The following UGT1A3 variants were observed in gnomAD, a reference collection of about 807,000 sequenced individuals.
UGT1A3 encodes UDP-glucuronosyltransferase 1A3.
A neutral mutation model predicts 41.0 loss-of-function variants in UGT1A3; 31 were observed. The ratio of observed to expected loss-of-function variants is 0.76; its 90% CI spans 0.57 to 1.02. UGT1A3 has a LOEUF of 1.02. Among genes scored for constraint, UGT1A3 ranks in the 50% least tolerant of loss-of-function variants. The pLI is 0.00. For missense variants in UGT1A3, 737 were observed against 671.0 expected, an observed-to-expected ratio of 1.10 and a Z score of -1.09; for synonymous variants, 262 against 257.6, an observed-to-expected ratio of 1.02 and a Z score of -0.17.
chr2:233,755,078 GA>G (rs1559400130), intron 1 of UGT1A3: 1 of 1,336,544 alleles, frequency 7.5e-7, no homozygotes, highest in South Asian at 1.1e-5. Flanking sequence ...AGCGGTCATA[GA>G]TATCGCGTTT....
intron 1 of UGT1A3, chr2:233,743,663 T>A (rs200311210): frequency 3.0e-5 from 41 of 1,366,854 alleles, no homozygotes; most frequent in Non-Finnish European, 3.9e-5. Context: ...CTCGAAGGGG[T>A]CCTCGAAGGG....
In UGT1A3 at chr2:233,772,637, A is replaced by G; in HGVS notation, c.*78A>G. ...AACTTGAAAACAGAATCAGTGTTAA[A>G]TTCATTTTATTCTTATTAAGGAAAT... On this transcript the variant is annotated 3_prime_UTR_variant, in exon 5 of 5. Transcript: ENST00000482026. The G allele has an allele frequency of 1.5e-5, 23 of 1,552,946 alleles. No individual in the cohort carries two copies. Among genetic ancestry groups the G allele is most frequent in the Non-Finnish European group, 2.0e-5 (23 of 1,148,470 alleles).
chr2:233,762,827 TA>T (rs922323260), intron 1 of UGT1A3, among the ~76,000 whole-genome samples: 2 of 152,162 alleles, frequency 1.3e-5, no homozygotes, highest in African/African-American at 2.4e-5. Flanking sequence ...ATTTTCATAA[TA>T]AAAAATAATA....
rs558770255 is a variant in UGT1A3, at chr2:233,763,535, G to A, written c.868-3499G>A. Among the ~76,000 whole-genome samples the A allele has an allele frequency of 7.2e-5, 11 of 152,022 alleles. No homozygotes were observed. The East Asian group carries it at 9.7e-4, about 13-fold the overall frequency. ...TTGACTTTGCCATTCTCCTTTTTCC[G>A]GATTTCTACTGGTTGGTCAAGTTAC... On this transcript the variant is annotated intron_variant, in intron 1 of 4. Coordinates refer to ENST00000482026, the MANE Select transcript of UGT1A3 (RefSeq NM_019093.4).
At chr2:233,736,291 G>A (rs1279591906) in intron 1 of UGT1A3, among the ~76,000 whole-genome samples, 1 of 151,976 alleles carries the variant, frequency 6.6e-6, no homozygotes, top group Admixed American at 6.6e-5. Flanking sequence ...CTTTCTTCCA[G>A]TTGCTCTAAT....
intron 4 of UGT1A3, 132 bp from the exon 5 acceptor site, chr2:233,772,130 A>G: frequency 2.6e-6 from 4 of 1,542,514 alleles, no homozygotes; most frequent in Non-Finnish European, 2.6e-6. Context: ...AACAACAACA[A>G]CAATAATAGA....
intron 1 of UGT1A3, chr2:233,741,829 T>C (rs1473126770): frequency 6.6e-6 from 1 of 151,946 alleles, no homozygotes; most frequent in African/African-American, 2.4e-5. Context: ...GCCTATCCAG[T>C]TCAGTTGCCT....
At chr2:233,737,798 AC>A (rs2125811044) in intron 1 of UGT1A3, among the ~76,000 whole-genome samples, 1 of 151,388 alleles carries the variant, frequency 6.6e-6, no homozygotes, top group African/African-American at 2.4e-5. Flanking sequence ...TCAAATCTTC[AC>A]TATCATCTCA....
intron 1 of UGT1A3, among the ~76,000 whole-genome samples, chr2:233,739,415 C>A (rs1192478838): frequency 6.6e-6 from 1 of 152,198 alleles, no homozygotes; most frequent in African/African-American, 2.4e-5. Context: ...CCTCTGAAAG[C>A]AGCCAGGACG....
In UGT1A3 at chr2:233,755,218, C is replaced by T. The variant is rs1203897935; in HGVS notation, c.868-11816C>T. 1.4e-5 allele frequency: 14 copies of T among 1,027,208 alleles called. No individual in the cohort carries two copies. In the South Asian group the frequency reaches 1.5e-4, roughly 11 times the overall value. 63.6% of individuals were successfully genotyped at this position (1,027,208 alleles called of 1,614,324 possible). ...AGCTTGCGGTACGCCTTCTTGATACCCTCGGACGAGGCCTACCGGGGTACT... is the reference window on the plus strand; with the variant it reads ...AGCTTGCGGTACGCCTTCTTGATACTCTCGGACGAGGCCTACCGGGGTACT... On this transcript the variant is annotated intron_variant, in intron 1 of 4. Transcript: ENST00000482026.
chr2:233,729,862 G>T lies in UGT1A3; in HGVS notation c.736G>T (p.Val246Leu), dbSNP rs146461519. Residue 246 changes from valine to leucine, a missense_variant, in exon 1 of 5, where the codon GTG (valine) becomes TTG (leucine). Transcript: ENST00000482026. Reference sequence around the variant, plus strand: ...GCTTTTTCAGAGAGAGGTGTCAGTGGTGGATATTCTCAGTCATGCATCTGT... The same window carrying T: ...GCTTTTTCAGAGAGAGGTGTCAGTGTTGGATATTCTCAGTCATGCATCTGT... The part of the protein sequence containing the change: ...SELFQREVSV[V>L]DILSHASVWL... 816 of 1,613,860 alleles carry T rather than the reference G, an allele frequency of 5.1e-4. 3 individuals are homozygous for T. In the Middle Eastern group the frequency reaches 7.4e-3, roughly 15 times the overall value.
chr2:233,750,239 C>T (rs1187783492), intron 1 of UGT1A3, among the ~76,000 whole-genome samples: 2 of 151,854 alleles, frequency 1.3e-5, no homozygotes, highest in African/African-American at 2.4e-5. Context: ...TTATTGGGAA[C>T]TGGAACAAAG....
chr2:233,734,166 G>A (rs959172847), intron 1 of UGT1A3, among the ~76,000 whole-genome samples: 2 of 151,962 alleles, frequency 1.3e-5, no homozygotes, highest in Non-Finnish European at 2.9e-5. Flanking sequence ...GACTTTTTTT[G>A]GTTGGTAGGC....
Position 233,747,854 on chromosome 2 carries a change from G to C in UGT1A3, c.867+17861G>C, listed in dbSNP as rs28900382. 4.1e-4 allele frequency: 669 copies of C among 1,613,508 alleles called. 5 individuals are homozygous for C. The East Asian group carries it at 0.011, about 27-fold the overall frequency. On this transcript the variant is annotated intron_variant, in intron 1 of 4. Coordinates refer to ENST00000482026, the MANE Select transcript of UGT1A3 (RefSeq NM_019093.4). ...CATTCCTGCAAAGGGTCAAGAACAT[G>C]CTCTACCCTCTGGCCCTGTCCTACC...
Position 233,769,822 on chromosome 2 carries a change from T to G in UGT1A3, c.1307+1383T>G, listed in dbSNP as rs978750106. ...ATGAGCCGTGATCATGCCACTGCAC[T>G]CCAGCAACCTGGGCAACAGAGTGAG... On this transcript the variant is annotated intron_variant, in intron 4 of 4. Coordinates refer to ENST00000482026, the MANE Select transcript of UGT1A3 (RefSeq NM_019093.4). This position sits in a 1 kb window ranked among gnomAD's most constrained non-coding sequence, Gnocchi z 4.4. 2.6e-6 allele frequency: 2 copies of G among 764,448 alleles called. No individual in the cohort carries two copies. Among genetic ancestry groups the G allele is most frequent in the Admixed American group, 3.7e-5 (1 of 26,868 alleles). The allele number at this position is 764,448 out of a possible 1,614,324, so 47.4% of individuals were successfully genotyped here.
intron 1 of UGT1A3, among the ~76,000 whole-genome samples, chr2:233,731,210 T>A (rs2078122398): frequency 6.6e-6 from 1 of 152,162 alleles, no homozygotes; most frequent in Non-Finnish European, 1.5e-5. Context: ...AATACGTGTT[T>A]ATTTAGATTT....
intron 2 of UGT1A3, 93 bp downstream of exon 2, chr2:233,767,258 C>T (rs1454742513): frequency 1.3e-6 from 2 of 1,592,782 alleles, no homozygotes; most frequent in African/African-American, 1.3e-5. Context: ...TTAATTGGAA[C>T]CTTAGATTTG....
Position 233,755,239 on chromosome 2 carries a change from G to A in UGT1A3, c.868-11795G>A, listed in dbSNP as rs1377553031. On this transcript the variant is annotated intron_variant, in intron 1 of 4. Transcript: ENST00000482026. Reference sequence around the variant, plus strand: ...ATACCCTCGGACGAGGCCTACCGGGGTACTCCCAGCACCTCGTAGTAGTCC... The same window carrying A: ...ATACCCTCGGACGAGGCCTACCGGGATACTCCCAGCACCTCGTAGTAGTCC... 1.2e-5 allele frequency: 11 copies of A among 885,954 alleles called. No individual in the cohort carries two copies. In the South Asian group the frequency reaches 1.4e-4, roughly 11 times the overall value. The allele number at this position is 885,954 out of a possible 1,614,324, so 54.9% of individuals were successfully genotyped here.
chr2:233,738,999 G>A (rs907486973), intron 1 of UGT1A3: 14 of 152,246 alleles, frequency 9.2e-5, no homozygotes, highest in African/African-American at 2.7e-4. Flanking sequence ...TTGGTGCCCT[G>A]TGTCCCAGTG....
Sources: allele counts gnomAD v4.1 joint callset (sites outside exome capture counted in the v4.1 genomes callset), GRCh38; gene constraint gnomAD v4.1.1; non-coding constraint Gnocchi (gnomAD v3.1); transcripts MANE v1.5; gene names NCBI Gene and HGNC (gene_info 2026-07-23, HGNC 2026-07-21).